Variants in SHISA9 observed in about 807,000 individuals in gnomAD.
SHISA9 encodes the protein protein shisa-9.
In SHISA9, 13 loss-of-function variants were observed where a neutral mutation model predicts 38.0. The observed-to-expected ratio is 0.34, with a 90% confidence interval of 0.22 to 0.54. The LOEUF is 0.54. Ranked by LOEUF, SHISA9 falls within the 20% of genes least tolerant of loss-of-function variation. The pLI, the probability that SHISA9 is intolerant of heterozygous loss-of-function variation, is 0.91. For missense variants in SHISA9, 538 were observed against 575.8 expected, an observed-to-expected ratio of 0.93 and a Z score of 0.67; for synonymous variants, 275 against 242.0, an observed-to-expected ratio of 1.14 and a Z score of -1.27.
chr16:13,004,550 G>A (rs2072570784), intron 2 of SHISA9, among the ~76,000 whole-genome samples: 1 of 152,162 alleles, frequency 6.6e-6, no homozygotes, highest in Non-Finnish European at 1.5e-5. Context: ...TTGATGCTTG[G>A]TGTAGAGTGG....
At chr16:12,994,464 TG>T (rs1300764499) in intron 2 of SHISA9, among the ~76,000 whole-genome samples, 1 of 152,156 alleles carries the variant, frequency 6.6e-6, no homozygotes, top group Non-Finnish European at 1.5e-5. Flanking sequence ...TCAGAGGCCT[TG>T]TATGTGTCCA....
intron 2 of SHISA9, among the ~76,000 whole-genome samples, chr16:12,928,511 G>C (rs973340400): frequency 6.6e-6 from 1 of 152,150 alleles, no homozygotes; most frequent in African/African-American, 2.4e-5. Context: ...CACAATTACT[G>C]ATCACAAATA....
chr16:13,313,271 A>AC, the SHISA9 span, among the ~76,000 whole-genome samples: 1 of 151,704 alleles, frequency 6.6e-6, no homozygotes, highest in African/African-American at 2.4e-5. Flanking sequence ...AAAAAAAAAA[A>AC]ACCCAGTTTT....
At chr16:13,192,641 C>T (rs2050896595) in intron 2 of SHISA9, among the ~76,000 whole-genome samples, 3 of 152,002 alleles carry the variant, frequency 2.0e-5, no homozygotes, top group South Asian at 2.1e-4. Flanking sequence ...AGAAACAGGC[C>T]GAGGCGGGTG....
At chr16:13,149,984 G>A (rs2050483281) in intron 2 of SHISA9, among the ~76,000 whole-genome samples, 2 of 136,826 alleles carry the variant, frequency 1.5e-5, no homozygotes, top group South Asian at 4.9e-4. Context: ...TTAGCACAGT[G>A]CCCAGTATAT....
chr16:13,438,065 C>A, the SHISA9 span, among the ~76,000 whole-genome samples: 65 of 152,132 alleles, frequency 4.3e-4, no homozygotes, highest in Middle Eastern at 6.8e-3. Context: ...GAGGTTTCAC[C>A]ATGCTGGCCA....
At chr16:13,474,773 A>G in the SHISA9 span, among the ~76,000 whole-genome samples, 1 of 152,234 alleles carries the variant, frequency 6.6e-6, no homozygotes, top group Non-Finnish European at 1.5e-5. Context: ...GAATGACAAG[A>G]ATAAGACAAC....
At chr16:13,252,051 A>C in the SHISA9 span, among the ~76,000 whole-genome samples, 14,227 of 152,248 alleles carry the variant, frequency 0.093, 701 homozygotes, top group Middle Eastern at 0.14. Context: ...ACAGATCACA[A>C]CGTTCTTTCT....
intron 2 of SHISA9, among the ~76,000 whole-genome samples, chr16:13,190,604 C>T (rs2050875477): frequency 6.6e-6 from 1 of 152,296 alleles, no homozygotes; most frequent in South Asian, 2.1e-4. Flanking sequence ...TGCTGCTTCA[C>T]ATCATTCACC....
At chr16:13,377,696 T>C in the SHISA9 span, among the ~76,000 whole-genome samples, 4 of 152,202 alleles carry the variant, frequency 2.6e-5, no homozygotes, top group East Asian at 1.9e-4. Flanking sequence ...ATGTTCCCTC[T>C]TGGGAATATC....
chr16:13,279,038 G>A, the SHISA9 span, among the ~76,000 whole-genome samples: 92 of 152,042 alleles, frequency 6.1e-4, no homozygotes, highest in African/African-American at 2.1e-3. Context: ...TCCTGATGTA[G>A]GCACTTAGGG....
At chr16:13,076,092 G>A (rs1301840132) in intron 2 of SHISA9, among the ~76,000 whole-genome samples, 3 of 149,958 alleles carry the variant, frequency 2.0e-5, no homozygotes, top group Non-Finnish European at 4.4e-5. Flanking sequence ...GTGCAGTGGC[G>A]CGATCTTGGC....
At chr16:13,314,719 C>T in the SHISA9 span, among the ~76,000 whole-genome samples, 1 of 152,038 alleles carries the variant, frequency 6.6e-6, no homozygotes, top group South Asian at 2.1e-4. Flanking sequence ...TTCCTTGTGT[C>T]CTTTTTCTCT....
intron 2 of SHISA9, among the ~76,000 whole-genome samples, chr16:12,950,189 A>G (rs2071736721): frequency 6.6e-6 from 1 of 152,204 alleles, no homozygotes; most frequent in Non-Finnish European, 1.5e-5. Flanking sequence ...GTTGCTGCAA[A>G]TGACAGGATT....
chr16:13,394,585 G>T, the SHISA9 span, among the ~76,000 whole-genome samples: 3 of 151,812 alleles, frequency 2.0e-5, no homozygotes, highest in Non-Finnish European at 4.4e-5. Flanking sequence ...TGGCTTTCTC[G>T]TTCTCACTCT....
intron 1 of SHISA9, among the ~76,000 whole-genome samples, chr16:12,915,150 C>A (rs1292343973): frequency 6.6e-6 from 1 of 152,156 alleles, no homozygotes. Context: ...CTCTGTGGTA[C>A]AGAGGAGGCC....
chr16:12,912,508 A>G (rs1440885610), intron 1 of SHISA9, among the ~76,000 whole-genome samples: 1 of 152,192 alleles, frequency 6.6e-6, no homozygotes, highest in Non-Finnish European at 1.5e-5. Context: ...CTCGAGAAAC[A>G]TGCACAAACA....
the SHISA9 span, among the ~76,000 whole-genome samples, chr16:13,433,114 A>AG: frequency 5.9e-5 from 4 of 67,902 alleles, no homozygotes; most frequent in African/African-American, 2.0e-4. Flanking sequence ...TGAAAAAAAA[A>AG]AAGACAATAA....
intron 2 of SHISA9, among the ~76,000 whole-genome samples, chr16:13,195,626 A>T (rs2050930389): frequency 1.3e-5 from 2 of 152,230 alleles, no homozygotes; most frequent in African/African-American, 4.8e-5. Flanking sequence ...AATTTTATAG[A>T]GGAGAAATCT....
Sources: allele counts gnomAD v4.1 joint callset (sites outside exome capture counted in the v4.1 genomes callset), GRCh38; gene constraint gnomAD v4.1.1; transcripts MANE v1.5; gene names NCBI Gene and HGNC (gene_info 2026-07-23, HGNC 2026-07-21).